SPADH: variants seen among roughly 807,000 people sequenced by gnomAD.
SPADH encodes the protein CUB domain-containing protein.
At chr10:122,676,396 C>A in the SPADH span, among the ~76,000 whole-genome samples, 1 of 152,168 alleles carries the variant, frequency 6.6e-6, no homozygotes, top group Non-Finnish European at 1.5e-5. Context: ...ATTTGTCCAG[C>A]CTGCCCTAAG....
chr10:122,679,272 G>T, the SPADH span, among the ~76,000 whole-genome samples: 1 of 152,166 alleles, frequency 6.6e-6, no homozygotes, highest in African/African-American at 2.4e-5. Context: ...CATCTTTAGT[G>T]TTAGAAGATC....
chr10:122,676,696 A>G, the SPADH span: 7 of 983,848 alleles, frequency 7.1e-6, no homozygotes, highest in Admixed American at 3.7e-4. Flanking sequence ...GGAATGACAC[A>G]AGCCAATCCC....
chr10:122,675,038 G>C, the SPADH span, among the ~76,000 whole-genome samples: 1 of 152,164 alleles, frequency 6.6e-6, no homozygotes, highest in Admixed American at 6.5e-5. Flanking sequence ...CTTGGATCCC[G>C]TTATCTAACT....
the SPADH span, chr10:122,678,865 AGAATACGTG>A: frequency 1.0e-6 from 1 of 984,376 alleles, no homozygotes; most frequent in Non-Finnish European, 1.2e-6. Flanking sequence ...CATGTGGCAA[AGAATACGTG>A]GAAGTGCTGG....
the SPADH span, among the ~76,000 whole-genome samples, chr10:122,673,332 T>TA: frequency 6.6e-6 from 1 of 152,190 alleles, no homozygotes; most frequent in Non-Finnish European, 1.5e-5. Context: ...TGCCCTGCAT[T>TA]GAATGTGTCT....
chr10:122,674,880 G>T, the SPADH span, among the ~76,000 whole-genome samples: 1 of 152,268 alleles, frequency 6.6e-6, no homozygotes, highest in East Asian at 1.9e-4. Flanking sequence ...TAAAAACTTT[G>T]TCCAAAGTCG....
chr10:122,678,689 A>C, the SPADH span, among the ~76,000 whole-genome samples: 1 of 151,648 alleles, frequency 6.6e-6, no homozygotes, highest in Non-Finnish European at 1.5e-5. Flanking sequence ...TGCGTTATTG[A>C]AGAACTGACA....
At chr10:122,676,123 G>A in the SPADH span, among the ~76,000 whole-genome samples, 1 of 152,222 alleles carries the variant, frequency 6.6e-6, no homozygotes, top group Non-Finnish European at 1.5e-5. Context: ...TCTCCGTGAG[G>A]ATGCAGGCTA....
At chr10:122,679,174 A>G in the SPADH span, 2 of 237,840 alleles carry the variant, frequency 8.4e-6, no homozygotes, top group Non-Finnish European at 1.4e-5. Flanking sequence ...GTTCTCCTGG[A>G]TCAGCATTGG....
the SPADH span, among the ~76,000 whole-genome samples, chr10:122,677,623 A>T: frequency 4.6e-5 from 7 of 152,296 alleles, no homozygotes; most frequent in Non-Finnish European, 5.9e-5. Context: ...TGGAAACCAC[A>T]TTTCCATCAA....
the SPADH span, chr10:122,678,854 G>A: frequency 1.7e-5 from 17 of 982,380 alleles, no homozygotes; most frequent in South Asian, 4.7e-5. Flanking sequence ...CAGAGGATTC[G>A]CATGTGGCAA....
chr10:122,676,375 G>A, the SPADH span, among the ~76,000 whole-genome samples: 1 of 152,180 alleles, frequency 6.6e-6, no homozygotes, highest in East Asian at 1.9e-4. Context: ...CAGGAGCACT[G>A]CCTATTTGTT....
the SPADH span, among the ~76,000 whole-genome samples, chr10:122,675,835 TC>T: frequency 6.6e-6 from 1 of 152,014 alleles, no homozygotes; most frequent in African/African-American, 2.4e-5. Flanking sequence ...TAATTCCCCC[TC>T]CCACCCTCTC....
At chr10:122,678,606 C>T in the SPADH span, among the ~76,000 whole-genome samples, 1 of 152,152 alleles carries the variant, frequency 6.6e-6, no homozygotes, top group South Asian at 2.1e-4. Context: ...AACCATGAGA[C>T]TGGGAAGCCA....
At chr10:122,678,986 C>A in the SPADH span, 2 of 985,234 alleles carry the variant, frequency 2.0e-6, no homozygotes, top group Non-Finnish European at 2.4e-6. Flanking sequence ...CTCCAGAGAA[C>A]CCAGTCATCC....
chr10:122,676,010 A>G, the SPADH span, among the ~76,000 whole-genome samples: 1 of 152,178 alleles, frequency 6.6e-6, no homozygotes, highest in African/African-American at 2.4e-5. Context: ...AAACACCTGG[A>G]GTCTGGAGAT....
the SPADH span, among the ~76,000 whole-genome samples, chr10:122,674,103 A>C: frequency 6.6e-6 from 1 of 152,250 alleles, no homozygotes. Context: ...AGACACAAAG[A>C]CAACTTGATG....
the SPADH span, among the ~76,000 whole-genome samples, chr10:122,673,861 T>G: frequency 5.9e-5 from 9 of 152,150 alleles, no homozygotes; most frequent in African/African-American, 2.2e-4. Flanking sequence ...CCGGGTGCTC[T>G]CCTCCCCTGC....
chr10:122,674,112 T>C, the SPADH span, among the ~76,000 whole-genome samples: 18 of 152,152 alleles, frequency 1.2e-4, no homozygotes, highest in Admixed American at 6.5e-5. Context: ...GACAACTTGA[T>C]GAAAAAGAGG....
Sources: gnomAD v4.1 joint callset for allele counts (sites outside exome capture counted in the v4.1 genomes callset) on GRCh38, gnomAD v4.1.1 for gene constraint, MANE v1.5 for transcripts, NCBI Gene and HGNC (gene_info 2026-07-23, HGNC 2026-07-21) for gene names.